PCDH11X: variants seen among roughly 807,000 people sequenced by gnomAD.
PCDH11X encodes protocadherin 11 X-linked, also known as protocadherin-11 X-linked.
A neutral mutation model predicts 53.3 loss-of-function variants in PCDH11X; 18 were observed. That is an observed-to-expected ratio of 0.34 (90% CI 0.23 to 0.50). The LOEUF (loss-of-function observed/expected upper bound fraction) is 0.50. Among genes scored for constraint, PCDH11X ranks in the 20% least tolerant of loss-of-function variants. The pLI is 0.98. For missense variants in PCDH11X, 570 were observed against 1,032.4 expected, an observed-to-expected ratio of 0.55 and a Z score of 6.14; for synonymous variants, 279 against 393.3, an observed-to-expected ratio of 0.71 and a Z score of 3.44.
At chrX:92,014,381 A>C (rs2062751804) in intron 6 of PCDH11X, among the ~76,000 whole-genome samples, 2 of 110,517 alleles carry the variant, frequency 1.8e-5, no homozygotes, top group African/African-American at 6.6e-5. Flanking sequence ...AAAGTCAGGA[A>C]ACAACAGGTG....
At chrX:92,273,466 G>C (rs1371227912) in intron 8 of PCDH11X, among the ~76,000 whole-genome samples, 2 of 111,271 alleles carry the variant, frequency 1.8e-5, no homozygotes, top group Non-Finnish European at 3.8e-5. Flanking sequence ...GGTCCTTTCC[G>C]TGCAAGTCAC....
chrX:92,418,373 A>G, intron 9 of PCDH11X, among the ~76,000 whole-genome samples: 1 of 111,154 alleles, frequency 9.0e-6, no homozygotes, highest in Middle Eastern at 4.7e-3. Flanking sequence ...CCTGGAGGCA[A>G]CAGCAGATAT....
At chrX:92,110,678 T>C (rs1387031951) in intron 6 of PCDH11X, among the ~76,000 whole-genome samples, 1 of 111,272 alleles carries the variant, frequency 9.0e-6, no homozygotes, top group Non-Finnish European at 1.9e-5. Flanking sequence ...TCAATTTGCA[T>C]GGCCATGGAG....
intron 6 of PCDH11X, among the ~76,000 whole-genome samples, chrX:91,989,253 AAAG>A (rs1331274311): frequency 9.0e-6 from 1 of 111,378 alleles, no homozygotes; most frequent in East Asian, 2.8e-4. Flanking sequence ...TGAAAAAAAA[AAAG>A]AAAAGAGAAA....
chrX:92,022,898 A>G (rs1232549387), intron 6 of PCDH11X, among the ~76,000 whole-genome samples: 2 of 109,944 alleles, frequency 1.8e-5, no homozygotes, highest in African/African-American at 6.6e-5. Context: ...AAAACTGAAC[A>G]AACTGCTCCT....
At chrX:91,966,045 G>A (rs749831875) in intron 6 of PCDH11X, among the ~76,000 whole-genome samples, 15 of 111,399 alleles carry the variant, frequency 1.3e-4, no homozygotes, top group South Asian at 1.1e-3. Flanking sequence ...ATGTAACAAT[G>A]TATTAGAAGA....
intron 10 of PCDH11X, among the ~76,000 whole-genome samples, chrX:92,529,158 T>C (rs1453971399): frequency 8.9e-6 from 1 of 111,986 alleles, no homozygotes; most frequent in South Asian, 3.7e-4. Flanking sequence ...GATTGATGTT[T>C]ACCGAAATAG....
chrX:92,530,238 T>C (rs368204244), intron 10 of PCDH11X, among the ~76,000 whole-genome samples: 1 of 104,077 alleles, frequency 9.6e-6, no homozygotes, highest in East Asian at 3.1e-4. Context: ...TACAAATTGT[T>C]TCAAAGATTC....
chrX:91,857,780 C>T (rs180883628), intron 5 of PCDH11X, among the ~76,000 whole-genome samples: 64 of 112,273 alleles, frequency 5.7e-4, no homozygotes, highest in African/African-American at 2.0e-3. Flanking sequence ...ACCCCTGTGG[C>T]TTTGCAGGGT....
chrX:92,032,380 G>A (rs4119314), intron 6 of PCDH11X, among the ~76,000 whole-genome samples: 9,113 of 110,792 alleles, frequency 0.082, 384 homozygotes, highest in East Asian at 0.29. Flanking sequence ...GAGTGTTCTT[G>A]TGGGGTCCTT....
chrX:91,950,755 A>T (rs191336985), intron 6 of PCDH11X, among the ~76,000 whole-genome samples: 11,015 of 109,533 alleles, frequency 0.1, 631 homozygotes, highest in African/African-American at 0.2. Context: ...TGTTCTTTCC[A>T]TTAGAGTGTA....
intron 6 of PCDH11X, among the ~76,000 whole-genome samples, chrX:91,934,247 A>C (rs1294554149): frequency 1.8e-5 from 2 of 110,610 alleles, no homozygotes; most frequent in Non-Finnish European, 3.8e-5. Flanking sequence ...GGCCCAAGCT[A>C]TAAGAATCAT....
chrX:92,053,281 A>C, intron 6 of PCDH11X, among the ~76,000 whole-genome samples: 1 of 110,009 alleles, frequency 9.1e-6, no homozygotes, highest in Admixed American at 9.8e-5. Flanking sequence ...CCCAAACTGC[A>C]TTAGTTCAAC....
intron 6 of PCDH11X, among the ~76,000 whole-genome samples, chrX:92,149,667 G>A (rs952010617): frequency 3.6e-5 from 4 of 110,379 alleles, no homozygotes; most frequent in African/African-American, 9.9e-5. Flanking sequence ...TTTGACATAC[G>A]TGAAAACATT....
intron 7 of PCDH11X, among the ~76,000 whole-genome samples, chrX:92,239,597 C>T (rs780080795): frequency 8.0e-5 from 9 of 111,805 alleles, no homozygotes; most frequent in Non-Finnish European, 1.5e-4. Flanking sequence ...ACTGACAATA[C>T]ATATTACTCT....
chrX:91,944,023 T>TTG (rs755497548), intron 6 of PCDH11X, among the ~76,000 whole-genome samples: 13,803 of 63,590 alleles, frequency 0.22, 2,117 homozygotes, highest in East Asian at 0.42. Context: ...ATCTCCTGGA[T>TTG]TGTGTGTGTG....
intron 6 of PCDH11X, among the ~76,000 whole-genome samples, chrX:91,968,114 T>C (rs1489342928): frequency 8.9e-6 from 1 of 111,918 alleles, no homozygotes; most frequent in Non-Finnish European, 1.9e-5. Context: ...TATGAGTTGA[T>C]TTTTAAGAAT....
At chrX:92,398,657 TAA>T (rs1245040269) in intron 9 of PCDH11X, among the ~76,000 whole-genome samples, 1 of 111,021 alleles carries the variant, frequency 9.0e-6, no homozygotes, top group African/African-American at 3.3e-5. Flanking sequence ...TTAAAGTATA[TAA>T]GACTAAATAA....
At chrX:91,812,785 C>G (rs968587984) in intron 4 of PCDH11X, among the ~76,000 whole-genome samples, 1 of 111,193 alleles carries the variant, frequency 9.0e-6, no homozygotes, top group Admixed American at 9.7e-5. Context: ...ATATCCTCTG[C>G]TCCTACCAGT....
Sources: allele counts gnomAD v4.1 joint callset (sites outside exome capture counted in the v4.1 genomes callset), GRCh38; gene constraint gnomAD v4.1.1; transcripts MANE v1.5; gene names NCBI Gene and HGNC (gene_info 2026-07-23, HGNC 2026-07-21).